The following RBMS1 variants were observed in gnomAD, a reference collection of about 807,000 sequenced individuals.
RBMS1 encodes the protein RNA binding motif single stranded interacting protein 1.
RBMS1 carries 17 observed loss-of-function variants against 62.3 expected under a neutral mutation model. That is an observed-to-expected ratio of 0.27 (90% CI 0.19 to 0.41). The LOEUF (loss-of-function observed/expected upper bound fraction) is 0.41, where lower values mean the gene tolerates loss of function less well. RBMS1 is among the 10% of genes least tolerant of loss of function. RBMS1 has a pLI of 1.00. For missense variants in RBMS1, 334 were observed against 504.5 expected (o/e 0.66, Z 3.24); for synonymous variants, 172 against 170.0 (o/e 1.01, Z -0.09).
At chr2:160,287,110 G>A in intron 6 of RBMS1, 26 bp from the exon 7 acceptor site, 1 of 1,612,484 alleles carries the variant, frequency 6.2e-7, no homozygotes, top group Non-Finnish European at 8.5e-7. Flanking sequence ...AAAATAAAAT[G>A]AAACCACAAT....
intron 6 of RBMS1, among the ~76,000 whole-genome samples, chr2:160,293,405 A>G (rs1290421049): frequency 6.6e-6 from 1 of 152,236 alleles, no homozygotes; most frequent in African/African-American, 2.4e-5. Flanking sequence ...CAGAAAGCAG[A>G]TGTAAAACAA....
chr2:160,320,317 C>T, intron 2 of RBMS1, among the ~76,000 whole-genome samples: 1 of 152,084 alleles, frequency 6.6e-6, no homozygotes, highest in Non-Finnish European at 1.5e-5. Context: ...TCCCAAAGCA[C>T]AAAAATTGTC....
intron 1 of RBMS1, among the ~76,000 whole-genome samples, chr2:160,455,752 C>G (rs1052260747): frequency 6.8e-6 from 1 of 146,184 alleles, no homozygotes; most frequent in Non-Finnish European, 1.5e-5. Flanking sequence ...GGCGCGATCT[C>G]GGCTCACTGC....
At chr2:160,425,470 C>T (rs1373135740) in intron 1 of RBMS1, among the ~76,000 whole-genome samples, 2 of 152,136 alleles carry the variant, frequency 1.3e-5, no homozygotes, top group South Asian at 2.1e-4. Context: ...TCTAAAACCA[C>T]CGGGTACTGT....
intron 6 of RBMS1, among the ~76,000 whole-genome samples, chr2:160,296,834 T>C (rs1688958962): frequency 6.6e-6 from 1 of 152,232 alleles, no homozygotes; most frequent in African/African-American, 2.4e-5. Flanking sequence ...TCTGTTCTAA[T>C]TCTTGTGGAT....
intron 1 of RBMS1, among the ~76,000 whole-genome samples, chr2:160,457,409 C>T (rs1344494852): frequency 3.3e-5 from 5 of 152,122 alleles, no homozygotes; most frequent in African/African-American, 9.7e-5. Context: ...GGATTACAGG[C>T]GTGAGCCACC....
At chr2:160,279,041 TA>T (rs538664938) in intron 10 of RBMS1, 13 of 160,204 alleles carry the variant, frequency 8.1e-5, no homozygotes, top group Admixed American at 1.2e-4. Flanking sequence ...AACGCTTTCT[TA>T]AAAAAAAATC....
chr2:160,356,083 G>A (rs1357667429), intron 2 of RBMS1, among the ~76,000 whole-genome samples: 2 of 152,084 alleles, frequency 1.3e-5, no homozygotes, highest in Non-Finnish European at 2.9e-5. Flanking sequence ...GTAAGACAGT[G>A]ACCCCTAAAA....
At chr2:160,310,430 C>T (rs957312570) in intron 4 of RBMS1, among the ~76,000 whole-genome samples, 2 of 152,200 alleles carry the variant, frequency 1.3e-5, no homozygotes, top group Non-Finnish European at 2.9e-5. Flanking sequence ...ATTCTATAAA[C>T]TGTATTTGCT....
In RBMS1 at chr2:160,426,189, C is replaced by T. The variant is rs140235791; in HGVS notation, c.76-58798G>A. ...ATTAAAGTGTTGCCTGGTGTCCAAA[C>T]GAAAGAAAGGAAGAAAGAGAGAGAG... On this transcript the variant is annotated intron_variant, in intron 1 of 13. Coordinates refer to ENST00000348849, the MANE Select transcript of RBMS1 (RefSeq NM_016836.4). Among the ~76,000 whole-genome samples, 432 of 123,558 alleles carry T rather than the reference C, an allele frequency of 3.5e-3. 3 individuals carry two copies. Among genetic ancestry groups the T allele is most frequent in the African/African-American group, 0.012 (406 of 32,990 alleles). 81.1% of individuals were successfully genotyped at this position (123,558 alleles called of 152,430 possible). A position where few individuals can be genotyped will look rare whatever the true frequency, so the allele number is the denominator to read the frequency against.
intron 1 of RBMS1, among the ~76,000 whole-genome samples, chr2:160,461,051 T>C (rs1424905921): frequency 6.6e-6 from 1 of 152,120 alleles, no homozygotes; most frequent in Non-Finnish European, 1.5e-5. Flanking sequence ...TTAAAGCCGG[T>C]AGTTTGAGAC....
intron 1 of RBMS1, among the ~76,000 whole-genome samples, chr2:160,480,985 G>C (rs971053867): frequency 2.0e-5 from 3 of 151,390 alleles, no homozygotes; most frequent in African/African-American, 7.3e-5. Flanking sequence ...AGAGGCTGAG[G>C]CATGAGAATT....
intron 1 of RBMS1, among the ~76,000 whole-genome samples, chr2:160,469,076 A>G (rs1684812320): frequency 6.6e-6 from 1 of 152,200 alleles, no homozygotes; most frequent in Admixed American, 6.5e-5. Flanking sequence ...ATGCCTTTGT[A>G]CTTTTCTTGG....
intron 1 of RBMS1, among the ~76,000 whole-genome samples, chr2:160,452,093 A>G (rs1684015852): frequency 1.3e-5 from 2 of 152,206 alleles, no homozygotes; most frequent in African/African-American, 4.8e-5. Flanking sequence ...TGGCAGGACT[A>G]GAGTCCTTGT....
intron 1 of RBMS1, among the ~76,000 whole-genome samples, chr2:160,381,149 A>G (rs1694265948): frequency 1.3e-5 from 2 of 152,124 alleles, no homozygotes; most frequent in Non-Finnish European, 2.9e-5. Flanking sequence ...GCAAAATTCA[A>G]TCTTCCCTTA....
chr2:160,449,471 T>C (rs1167638826), intron 1 of RBMS1, among the ~76,000 whole-genome samples: 1 of 152,246 alleles, frequency 6.6e-6, no homozygotes, highest in Non-Finnish European at 1.5e-5. Flanking sequence ...CTCCATTTTG[T>C]TCTGTACTAA....
chr2:160,304,746 T>C (rs1468370953), intron 4 of RBMS1, among the ~76,000 whole-genome samples: 1 of 152,228 alleles, frequency 6.6e-6, no homozygotes. Context: ...TACAGCTGCA[T>C]AATGTATGTG....
chr2:160,493,247 GC>G (rs756446795), intron 1 of RBMS1, 41 bp downstream of exon 1: 79 of 1,584,642 alleles, frequency 5.0e-5, no homozygotes, highest in Non-Finnish European at 6.2e-5. Flanking sequence ...GCGTCCCCGG[GC>G]CCCCTCCTCC....
At chr2:160,479,220 T>C (rs1186915519) in intron 1 of RBMS1, among the ~76,000 whole-genome samples, 1 of 152,176 alleles carries the variant, frequency 6.6e-6, no homozygotes, top group East Asian at 1.9e-4. Flanking sequence ...TCTTTAGGAA[T>C]GTGGCAAAGA....
Sources: gnomAD v4.1 joint callset for allele counts (sites outside exome capture counted in the v4.1 genomes callset) on GRCh38, gnomAD v4.1.1 for gene constraint, MANE v1.5 for transcripts, NCBI Gene and HGNC (gene_info 2026-07-23, HGNC 2026-07-21) for gene names.